KREMEN1: variants seen among roughly 807,000 people sequenced by gnomAD.
KREMEN1 encodes kremen protein 1.
KREMEN1 carries 30 observed loss-of-function variants against 46.5 expected under a neutral mutation model. The ratio of observed to expected loss-of-function variants is 0.65; its 90% CI spans 0.48 to 0.88. The LOEUF (loss-of-function observed/expected upper bound fraction) is 0.88. Ranked by LOEUF, KREMEN1 falls within the 40% of genes least tolerant of loss-of-function variation. The probability of loss-of-function intolerance (pLI) is 0.00; values close to 1 mark genes in which losing one functional copy is unlikely to be tolerated. For missense variants in KREMEN1, 533 were observed against 596.9 expected (o/e 0.89, Z 1.11); for synonymous variants, 214 against 230.6 (o/e 0.93, Z 0.65).
chr22:29,144,611 A>G lies in KREMEN1; in HGVS notation c.*2499A>G. The G allele has an allele frequency of 1.0e-6, 1 of 985,524 alleles. No individual in the cohort carries two copies. The highest frequency in any genetic ancestry group is 1.2e-6 in the Non-Finnish European group (1 of 829,984). The allele number at this position is 985,524 out of a possible 1,614,324, so 61.0% of individuals were successfully genotyped here. On this transcript the variant is annotated 3_prime_UTR_variant, in exon 9 of 9. Coordinates refer to ENST00000400335, the MANE Select transcript of KREMEN1 (RefSeq NM_001039570.3). ...CATGCTGTTTGTGGAATCTCTCTCA[A>G]ACATAAGTGTCAGGTGTGTGTCGTC...
chr22:29,144,662 A>G lies in KREMEN1; in HGVS notation c.*2550A>G, dbSNP rs2038824244. The G allele has an allele frequency of 1.0e-6, 1 of 985,474 alleles. No individual in the cohort carries two copies. The highest frequency in any genetic ancestry group is 1.2e-6 in the Non-Finnish European group (1 of 829,942). 61.0% of individuals were successfully genotyped at this position (985,474 alleles called of 1,614,324 possible). The stretch of plus-strand genomic sequence containing the variant: ...CCAACGGGTCCTGTGCTGTGAATAG[A>G]TCCATGTGCAGCACAAAGGGAATGT... On this transcript the variant is annotated 3_prime_UTR_variant, in exon 9 of 9. Coordinates refer to ENST00000400335, the MANE Select transcript of KREMEN1 (RefSeq NM_001039570.3).
intron 1 of KREMEN1, among the ~76,000 whole-genome samples, chr22:29,093,062 A>G (rs2037827363): frequency 6.6e-6 from 1 of 152,238 alleles, no homozygotes; most frequent in African/African-American, 2.4e-5. Flanking sequence ...AAATGGTGCC[A>G]TTCCAGACAA....
chr22:29,100,196 A>G (rs1046296014), intron 3 of KREMEN1, among the ~76,000 whole-genome samples: 1 of 150,440 alleles, frequency 6.6e-6, no homozygotes. Context: ...GCTCACTGCA[A>G]CCTCCGCCTC....
At chr22:29,164,640 G>T (rs557076608) in intron 9 of KREMEN1, among the ~76,000 whole-genome samples, 3 of 151,296 alleles carry the variant, frequency 2.0e-5, no homozygotes, top group Non-Finnish European at 2.9e-5. Flanking sequence ...CAGCTACTTC[G>T]GAGGCTGAGG....
At chr22:29,131,221 A>G (rs569759082) in intron 5 of KREMEN1, among the ~76,000 whole-genome samples, 2 of 152,252 alleles carry the variant, frequency 1.3e-5, no homozygotes, top group South Asian at 2.1e-4. Flanking sequence ...AAACTGAGAT[A>G]TACAGAGGTT....
intron 1 of KREMEN1, among the ~76,000 whole-genome samples, chr22:29,081,319 T>C (rs2037651635): frequency 1.3e-5 from 2 of 152,214 alleles, no homozygotes; most frequent in Non-Finnish European, 2.9e-5. Flanking sequence ...ACTGTGTCTT[T>C]TTATTCTCTC....
chr22:29,094,629 T>TTTC (rs2037854617), intron 2 of KREMEN1, among the ~76,000 whole-genome samples: 1 of 148,986 alleles, frequency 6.7e-6, no homozygotes, highest in Non-Finnish European at 1.5e-5. Context: ...TACCACTCTT[T>TTTC]TTTTTTTTTT....
intron 9 of KREMEN1, among the ~76,000 whole-genome samples, chr22:29,156,304 C>T (rs962537184): frequency 1.3e-5 from 2 of 152,254 alleles, no homozygotes; most frequent in African/African-American, 4.8e-5. Context: ...TCTTTGTTAA[C>T]TACAAAATAA....
rs559157492 is a variant in KREMEN1, at chr22:29,094,501, A to T, written c.260+81A>T. The T allele has an allele frequency of 3.9e-5, 52 of 1,337,990 alleles. 1 individual carries two copies. In the South Asian group the frequency reaches 7.1e-4, roughly 18 times the overall value. 82.9% of individuals were successfully genotyped at this position (1,337,990 alleles called of 1,614,324 possible). A position where few individuals can be genotyped will look rare whatever the true frequency, so the allele number is the denominator to read the frequency against. On this transcript the variant is annotated intron_variant, in intron 2 of 8. Coordinates refer to ENST00000400335, the MANE Select transcript of KREMEN1 (RefSeq NM_001039570.3). ...TCCAACCCCTTTCATCCCAGCTCAC[A>T]ACTAGGGGAAGTCTTTTGACCAACT...
intron 9 of KREMEN1, among the ~76,000 whole-genome samples, chr22:29,164,309 G>C (rs1375545313): frequency 6.6e-6 from 1 of 152,212 alleles, no homozygotes; most frequent in African/African-American, 2.4e-5. Flanking sequence ...ACGGTTGAAG[G>C]AGAGAAGGAG....
At chr22:29,137,253 C>A in intron 5 of KREMEN1, 89 bp from the exon 6 acceptor site, 4 of 898,490 alleles carry the variant, frequency 4.5e-6, no homozygotes, top group Admixed American at 5.4e-5. Context: ...GGATCCTGCT[C>A]GTTAGGAAGG....
intron 9 of KREMEN1, among the ~76,000 whole-genome samples, chr22:29,161,080 T>TCTGC (rs2039005789): frequency 6.6e-6 from 1 of 152,140 alleles, no homozygotes; most frequent in Non-Finnish European, 1.5e-5. Context: ...CCTCAGAGAC[T>TCTGC]ATTATGAACA....
In KREMEN1 at chr22:29,120,076, GAAGGAA is replaced by G. The variant is rs1329057428; in HGVS notation, c.353-1279_353-1274del. 8.7e-4 allele frequency among the ~76,000 whole-genome samples: 99 copies of G among 113,478 alleles called. 8 individuals are homozygous for G. The highest frequency in any genetic ancestry group is 1.6e-3 in the South Asian group (5 of 3,100). The allele number at this position is 113,478 out of a possible 152,430, so 74.4% of individuals were successfully genotyped here. On this transcript the variant is annotated intron_variant, in intron 3 of 8. Transcript: ENST00000400335. ...GAAACAGGGAGGAGGGAGAGGTGATGAAGGAAATGGAGGAGGGAGAGGTGATGAAGG... is the reference window on the plus strand; with the variant it reads ...GAAACAGGGAGGAGGGAGAGGTGATGATGGAGGAGGGAGAGGTGATGAAGG...
chr22:29,148,747 G>A (rs1164169871), downstream of KREMEN1, among the ~76,000 whole-genome samples: 3 of 152,062 alleles, frequency 2.0e-5, no homozygotes, highest in South Asian at 4.1e-4. Flanking sequence ...GAGCCACCGC[G>A]CCTGGTGAGC....
At chr22:29,156,559 ACAGGAATGCTCTCCG>A (rs1449842319) in intron 9 of KREMEN1, among the ~76,000 whole-genome samples, 6 of 1,548 alleles carry the variant, frequency 3.9e-3, no homozygotes, top group Non-Finnish European at 0.011. Context: ...TGCTCTCCGC[ACAGGAATGCTCTCCG>A]CACAGGACGC....
At chr22:29,141,197 CTTGAAATTTTTAG>C (rs769127023) in intron 8 of KREMEN1, among the ~76,000 whole-genome samples, 3 of 151,884 alleles carry the variant, frequency 2.0e-5, no homozygotes, top group Non-Finnish European at 4.4e-5. Context: ...CCACCCTACA[CTTGAAATTTTTAG>C]TGGAAATAAT....
intron 4 of KREMEN1, among the ~76,000 whole-genome samples, chr22:29,122,980 A>G (rs192494996): frequency 2.0e-5 from 3 of 150,440 alleles, no homozygotes; most frequent in South Asian, 4.2e-4. Context: ...ATACTGTTAT[A>G]TACAACGTGG....
chr22:29,088,327 A>ATG (rs2037759220), intron 1 of KREMEN1, among the ~76,000 whole-genome samples: 1 of 150,408 alleles, frequency 6.6e-6, no homozygotes, highest in Admixed American at 6.6e-5. Context: ...ACACACACAC[A>ATG]CACGCACACA....
In KREMEN1 at chr22:29,141,273, GTGTGTC is replaced by G. The variant is rs1223005428; in HGVS notation, c.1209-659_1209-654del. The stretch of plus-strand genomic sequence containing the variant: ...TGTCTGCATGTGCATGTGTGTGTGT[GTGTGTC>G]TGTGTCTGTGTGTGTGTGTCTGTGT... On this transcript the variant is annotated intron_variant, in intron 8 of 8. Coordinates refer to ENST00000400335, the MANE Select transcript of KREMEN1 (RefSeq NM_001039570.3). 1.2e-4 allele frequency among the ~76,000 whole-genome samples: 18 copies of G among 150,248 alleles called. No individual in the cohort carries two copies. The East Asian group carries it at 3.5e-3, about 29-fold the overall frequency.
Sources: allele counts gnomAD v4.1 joint callset (sites outside exome capture counted in the v4.1 genomes callset), GRCh38; gene constraint gnomAD v4.1.1; transcripts MANE v1.5; gene names NCBI Gene and HGNC (gene_info 2026-07-23, HGNC 2026-07-21).